TTC34: variants seen among roughly 807,000 people sequenced by gnomAD.
TTC34 encodes the protein tetratricopeptide repeat protein 34.
Under a neutral mutation model 40.7 loss-of-function variants are expected in TTC34, and 44 were observed. The ratio of observed to expected loss-of-function variants is 1.08; its 90% CI spans 0.85 to 1.39. TTC34 has a LOEUF of 1.39. TTC34 is among the 40% of genes most tolerant of loss of function. The pLI, the probability that TTC34 is intolerant of heterozygous loss-of-function variation, is 0.00. For synonymous variants in TTC34, 422 were observed against 398.6 expected, an observed-to-expected ratio of 1.06 and a Z score of -0.70; for missense variants, 884 against 838.0, an observed-to-expected ratio of 1.05 and a Z score of -0.68.
chr1:2,751,652 A>T lies in TTC34; in HGVS notation c.2226+31957T>A, dbSNP rs1336370648. The stretch of plus-strand genomic sequence containing the variant: ...GGCCTGGAACAGCACCCACACCCCC[A>T]GTTGAGCATTGGACAGCCTGGATCA... On this transcript the variant is annotated intron_variant, in intron 6 of 8. Transcript: ENST00000401095. Among the ~76,000 whole-genome samples the T allele has an allele frequency of 2.4e-3, 17 of 6,974 alleles. 1 individual carries two copies. The highest frequency in any genetic ancestry group is 8.3e-3 in the East Asian group (1 of 120). 4.6% of individuals were successfully genotyped at this position (6,974 alleles called of 152,430 possible).
intron 6 of TTC34, among the ~76,000 whole-genome samples, chr1:2,760,359 C>G (rs1298766327): frequency 2.4e-5 from 1 of 41,808 alleles, no homozygotes; most frequent in Non-Finnish European, 3.8e-5. Context: ...AACAGCACCC[C>G]ACACCCCAAG....
rs546671583 is a variant in TTC34 at position 2,789,624 on chromosome 1, G to T, written c.1507C>A (p.Leu503Met). 1.5e-5 allele frequency: 21 copies of T among 1,376,400 alleles called. 2 individuals are homozygous for T. Among genetic ancestry groups the T allele is most frequent in the Middle Eastern group, 4.5e-4 (2 of 4,414 alleles). 85.3% of individuals were successfully genotyped at this position (1,376,400 alleles called of 1,614,324 possible). A position where few individuals can be genotyped will look rare whatever the true frequency, so the allele number is the denominator to read the frequency against. Residue 503 changes from leucine to methionine, a missense_variant, in exon 3 of 9, where the codon CTG (leucine) becomes ATG (methionine). Leu to Met is a conservative substitution (Grantham distance 15). Coordinates refer to ENST00000401095, the Ensembl canonical transcript of TTC34. ...GCCTCCTCCCGCAGCACCACCAGCA[G>T]CAGCCCCCGCTGGTTCCAGGGCACG...
intron 6 of TTC34, among the ~76,000 whole-genome samples, chr1:2,751,038 A>C (rs1467058854): frequency 3.8e-3 from 226 of 58,872 alleles, no homozygotes; most frequent in East Asian, 6.4e-3. Context: ...CCTGGAACAG[A>C]ACCCACACCC....
chr1:2,799,257 C>T (rs987820903), intron 2 of TTC34, among the ~76,000 whole-genome samples: 1 of 152,194 alleles, frequency 6.6e-6, no homozygotes, highest in African/African-American at 2.4e-5. Context: ...AAATGCAGAT[C>T]AGGCGCCGGG....
chr1:2,780,946 A>G (rs1643473128), intron 6 of TTC34, among the ~76,000 whole-genome samples: 3 of 152,282 alleles, frequency 2.0e-5, no homozygotes, highest in East Asian at 1.9e-4. Context: ...GCAATGTTTT[A>G]TAGTTTTCAT....
rs1035347275 is a variant in TTC34, at chr1:2,645,085, C to T, written c.2497+208G>A. 6.6e-5 allele frequency among the ~76,000 whole-genome samples: 10 copies of T among 152,134 alleles called. No individual in the cohort carries two copies. The highest frequency in any genetic ancestry group is 2.1e-4 in the South Asian group (1 of 4,818). ...CTCCTCCATTGCAAGCAAAGAGCCACCCGGGTAAAGCAGAGGAGAGCCTTT... is the reference window on the plus strand; with the variant it reads ...CTCCTCCATTGCAAGCAAAGAGCCATCCGGGTAAAGCAGAGGAGAGCCTTT... On this transcript the variant is annotated intron_variant, in intron 7 of 8. Coordinates refer to ENST00000401095, the Ensembl canonical transcript of TTC34. This position sits in a 1 kb window ranked among gnomAD's most constrained non-coding sequence, Gnocchi z 4.7.
chr1:2,791,732 G>C (rs900545298), intron 2 of TTC34, among the ~76,000 whole-genome samples: 8 of 152,194 alleles, frequency 5.3e-5, no homozygotes, highest in African/African-American at 1.9e-4. Flanking sequence ...ATCCGAGGGA[G>C]CTGCAGCCAG....
chr1:2,685,238 C>CA (rs1439408351), intron 6 of TTC34, among the ~76,000 whole-genome samples: 44 of 31,350 alleles, frequency 1.4e-3, no homozygotes, highest in South Asian at 4.5e-3. Flanking sequence ...AGCACCCACA[C>CA]CCCAGGTGAG....
At chr1:2,651,784 A>G (rs1215682945) in intron 6 of TTC34, among the ~76,000 whole-genome samples, 1 of 152,018 alleles carries the variant, frequency 6.6e-6, no homozygotes, top group Non-Finnish European at 1.5e-5. Context: ...AGCATCTGAC[A>G]GCCGGAAAAA....
intron 6 of TTC34, among the ~76,000 whole-genome samples, chr1:2,748,914 C>T (rs1449294324): frequency 2.2e-5 from 1 of 44,914 alleles, no homozygotes; most frequent in East Asian, 6.6e-4. Flanking sequence ...TGGAACAGAA[C>T]CCACACCGCC....
At chr1:2,692,675 A>G (rs1285160132) in intron 6 of TTC34, among the ~76,000 whole-genome samples, 141 of 88,496 alleles carry the variant, frequency 1.6e-3, no homozygotes, top group Non-Finnish European at 2.0e-3. Context: ...CCCACAGGTG[A>G]GCTTCTGACA....
chr1:2,752,371 C>G (rs1185295648), intron 6 of TTC34, among the ~76,000 whole-genome samples: 9 of 123,204 alleles, frequency 7.3e-5, no homozygotes, highest in East Asian at 2.7e-4. Flanking sequence ...GCACCCACAC[C>G]CCCAGGCGAG....
intron 6 of TTC34, among the ~76,000 whole-genome samples, chr1:2,686,733 G>C (rs887900920): frequency 4.6e-5 from 5 of 108,196 alleles, no homozygotes; most frequent in Admixed American, 1.1e-4. Flanking sequence ...CCCCAGGCGA[G>C]CATCTGACAG....
At chr1:2,693,799 A>G (rs202078732) in intron 6 of TTC34, among the ~76,000 whole-genome samples, 3 of 123,766 alleles carry the variant, frequency 2.4e-5, no homozygotes, top group East Asian at 5.1e-4. Context: ...CCAGGTGCGC[A>G]TGTGATGGTC....
At chr1:2,748,549 C>A (rs1569683328) in intron 6 of TTC34, among the ~76,000 whole-genome samples, 1 of 145,020 alleles carries the variant, frequency 6.9e-6, no homozygotes. Context: ...CAGCCTGGAA[C>A]AGCAACCACA....
At chr1:2,695,161 GAGAGCA>G (rs1640804785) in intron 6 of TTC34, among the ~76,000 whole-genome samples, 1 of 74,822 alleles carries the variant, frequency 1.3e-5, no homozygotes, top group African/African-American at 4.9e-5. Flanking sequence ...GCACCCCCAG[GAGAGCA>G]TCTGACAGCA....
chr1:2,756,586 C>T (rs1641512606), intron 6 of TTC34, among the ~76,000 whole-genome samples: 6 of 13,726 alleles, frequency 4.4e-4, no homozygotes, highest in South Asian at 3.0e-3. Flanking sequence ...AGCACCCACA[C>T]CAACAGGTGA....
intron 6 of TTC34, among the ~76,000 whole-genome samples, chr1:2,694,958 G>T (rs564893477): frequency 1.3e-5 from 2 of 149,752 alleles, no homozygotes; most frequent in African/African-American, 2.5e-5. Context: ...ACACCCCCAG[G>T]TGAGCATCTG....
chr1:2,692,011 A>G (rs570970836), intron 6 of TTC34, among the ~76,000 whole-genome samples: 6 of 86,188 alleles, frequency 7.0e-5, no homozygotes, highest in Admixed American at 6.2e-4. Flanking sequence ...GACAGCATGT[A>G]TCAGCACCCA....
Sources: allele counts gnomAD v4.1 joint callset (sites outside exome capture counted in the v4.1 genomes callset), GRCh38; gene constraint gnomAD v4.1.1; non-coding constraint Gnocchi (gnomAD v3.1); transcripts MANE v1.5; gene names NCBI Gene and HGNC (gene_info 2026-07-23, HGNC 2026-07-21).